Variants in HIVEP3 observed in about 807,000 individuals in gnomAD.
HIVEP3 encodes the protein HIVEP zinc finger 3.
HIVEP3 carries 49 observed loss-of-function variants against 152.8 expected under a neutral mutation model. The observed-to-expected ratio is 0.32, with a 90% CI of 0.26 to 0.41. The LOEUF (loss-of-function observed/expected upper bound fraction) is 0.41. Among genes scored for constraint, HIVEP3 ranks in the 10% least tolerant of loss-of-function variants. HIVEP3 has a pLI of 1.00. For synonymous variants in HIVEP3, 1,269 were observed against 1,289.0 expected, an observed-to-expected ratio of 0.98 and a Z score of 0.33; for missense variants, 2,790 against 3,103.3, an observed-to-expected ratio of 0.90 and a Z score of 2.40.
intron 1 of HIVEP3, among the ~76,000 whole-genome samples, chr1:41,976,551 C>T (rs1465210757): frequency 2.0e-5 from 3 of 152,192 alleles, no homozygotes; most frequent in Non-Finnish European, 4.4e-5. Flanking sequence ...ATTTTGCTAT[C>T]TTAAAAGTAA....
intron 5 of HIVEP3, among the ~76,000 whole-genome samples, chr1:41,531,639 T>G (rs1234121650): frequency 2.1e-4 from 9 of 43,886 alleles, no homozygotes; most frequent in African/African-American, 2.7e-4. Context: ...AGACGGGAGA[T>G]GGAGGACAGG....
chr1:41,963,534 G>C (rs974288522), intron 1 of HIVEP3, among the ~76,000 whole-genome samples: 1 of 149,660 alleles, frequency 6.7e-6, no homozygotes, highest in African/African-American at 2.4e-5. Flanking sequence ...GGGGGGAGCG[G>C]CGAGGGGGGA....
At chr1:41,671,602 G>A (rs946212664) in intron 2 of HIVEP3, among the ~76,000 whole-genome samples, 2 of 152,234 alleles carry the variant, frequency 1.3e-5, no homozygotes, top group Non-Finnish European at 2.9e-5. Flanking sequence ...GTCCCACTCT[G>A]CCTTCTCAGA....
At position 41,581,525 on chromosome 1, in the gene HIVEP3, C is replaced by T. The variant is rs201678689; in HGVS notation, c.3273G>A (p.Ala1091=). 8.8e-6 allele frequency: 14 copies of T among 1,590,206 alleles called. No homozygotes were observed. Among genetic ancestry groups the T allele is most frequent in the African/African-American group, 5.4e-5 (4 of 74,340 alleles). ...CCGGGGGTCCACCATGTGAGGTGGCCGCAGAGGAAATCTGGGACAATGAGC... is the reference window on the plus strand; with the variant it reads ...CCGGGGGTCCACCATGTGAGGTGGCTGCAGAGGAAATCTGGGACAATGAGC... The part of the protein sequence containing the change: ...AKSSLSQISS[A]ATSHGGPPGG... Residue 1091 remains alanine, a synonymous_variant, in exon 4 of 9, where the codon GCG becomes GCA. Coordinates refer to ENST00000372583, the MANE Select transcript of HIVEP3 (RefSeq NM_024503.5). This position sits in a 1 kb window ranked among gnomAD's most constrained non-coding sequence, Gnocchi z 4.5.
At chr1:41,547,474 T>A (rs1643831371) in intron 5 of HIVEP3, among the ~76,000 whole-genome samples, 1 of 150,436 alleles carries the variant, frequency 6.6e-6, no homozygotes, top group South Asian at 2.1e-4. Context: ...GCCCTGCAGG[T>A]GGAGGGGATG....
Position 41,583,097 on chromosome 1 carries a change from G to A in HIVEP3, c.1701C>T (p.Ile567=), listed in dbSNP as rs1440372888. The A allele has an allele frequency of 6.2e-7, 1 of 1,613,700 alleles. No homozygotes were observed. The highest frequency in any genetic ancestry group is 8.5e-7 in the Non-Finnish European group (1 of 1,179,862). The part of the protein sequence containing the change: ...FRGSYSFDDH[I]TDSEALSHSS... ...TGTGGCTCAGGGCTTCGGAGTCGGTGATATGGTCATCGAAGGAGTAGCTAC... is the reference window on the plus strand; with the variant it reads ...TGTGGCTCAGGGCTTCGGAGTCGGTAATATGGTCATCGAAGGAGTAGCTAC... The change falls in exon 4 of 9, where the codon ATC becomes ATT. Residue 567 remains isoleucine (I), a synonymous_variant. Transcript: ENST00000372583. This position sits in a 1 kb window ranked among gnomAD's most constrained non-coding sequence, Gnocchi z 6.9.
intron 1 of HIVEP3, among the ~76,000 whole-genome samples, chr1:41,838,949 G>A (rs1364174050): frequency 6.6e-6 from 1 of 152,218 alleles, no homozygotes; most frequent in Non-Finnish European, 1.5e-5. Context: ...ATATCCCACA[G>A]TGTTAATAGC....
At position 41,866,623 on chromosome 1, in the gene HIVEP3, G is replaced by A. The variant is rs186361079; in HGVS notation, c.-801+51790C>T. On this transcript the variant is annotated intron_variant, in intron 1 of 8. Coordinates refer to ENST00000372583, the MANE Select transcript of HIVEP3 (RefSeq NM_024503.5). ...GTAACCTCTGTCCTTTCCCAGTTCC[G>A]TTCCTTTCTCTTCCCCAGCTACCTC... 1.5e-3 allele frequency among the ~76,000 whole-genome samples: 231 copies of A among 152,300 alleles called. 1 individual carries two copies. The highest frequency in any genetic ancestry group is 5.2e-3 in the African/African-American group (217 of 41,564).
chr1:41,590,497 G>A (rs1199544536), intron 3 of HIVEP3, among the ~76,000 whole-genome samples: 2 of 152,218 alleles, frequency 1.3e-5, no homozygotes, highest in African/African-American at 4.8e-5. Flanking sequence ...TGTGGTGGGG[G>A]TGAGCCAACT....
intron 1 of HIVEP3, among the ~76,000 whole-genome samples, chr1:41,872,331 A>T (rs1213427482): frequency 6.6e-6 from 1 of 152,150 alleles, no homozygotes; most frequent in Non-Finnish European, 1.5e-5. Context: ...GCCTTATTTG[A>T]ACACAGTTTG....
chr1:41,508,203 G>C lies in HIVEP3; in HGVS notation c.*2248C>G, dbSNP rs1238758149. On this transcript the variant is annotated 3_prime_UTR_variant, in exon 9 of 9. Transcript: ENST00000372583. ...CCCGGTCTGCTGCTTTGTAGGTCTGGGGCAGGAAGAGCTTGCCCAGGCAGA... is the reference window on the plus strand; with the variant it reads ...CCCGGTCTGCTGCTTTGTAGGTCTGCGGCAGGAAGAGCTTGCCCAGGCAGA... The C allele has an allele frequency of 6.6e-6, 1 of 152,276 alleles. No homozygotes were observed. The highest frequency in any genetic ancestry group is 1.5e-5 in the Non-Finnish European group (1 of 68,082). 9.4% of individuals were successfully genotyped at this position (152,276 alleles called of 1,614,324 possible).
intron 1 of HIVEP3, among the ~76,000 whole-genome samples, chr1:41,714,139 G>T (rs191830434): frequency 6.6e-6 from 1 of 152,216 alleles, no homozygotes; most frequent in East Asian, 1.9e-4. Flanking sequence ...AGGGAGGGAG[G>T]GTGATCCGAG....
chr1:41,662,780 C>T lies in HIVEP3; in HGVS notation c.-720-33833G>A, dbSNP rs1186017664. Reference sequence around the variant, plus strand: ...CTAGGGAGGGCAGACAGGGAAGCCCCTGTCGCCGCCGCCGGGGCCCTGCCA... The same window carrying T: ...CTAGGGAGGGCAGACAGGGAAGCCCTTGTCGCCGCCGCCGGGGCCCTGCCA... On this transcript the variant is annotated intron_variant, in intron 2 of 8. Transcript: ENST00000372583. The surrounding 1 kb of genome is among the most constrained non-coding windows in gnomAD (Gnocchi z 7.2). Among the ~76,000 whole-genome samples, 1 of 151,316 alleles carries T rather than the reference C, an allele frequency of 6.6e-6. No individual in the cohort carries two copies. The highest frequency in any genetic ancestry group is 2.0e-4 in the East Asian group (1 of 5,078).
intron 1 of HIVEP3, among the ~76,000 whole-genome samples, chr1:41,924,525 G>T (rs1228744209): frequency 6.6e-6 from 1 of 152,096 alleles, no homozygotes; most frequent in African/African-American, 2.4e-5. Flanking sequence ...CAAGGAGATG[G>T]TAGAGAGTTG....
chr1:41,562,784 G>A (rs1644098770), intron 5 of HIVEP3, among the ~76,000 whole-genome samples: 1 of 152,152 alleles, frequency 6.6e-6, no homozygotes, highest in Non-Finnish European at 1.5e-5. Context: ...GCCTGCAGCA[G>A]GGAAATCTGG....
At chr1:41,739,381 A>C (rs537428111) in intron 1 of HIVEP3, among the ~76,000 whole-genome samples, 82 of 152,260 alleles carry the variant, frequency 5.4e-4, no homozygotes, top group African/African-American at 1.6e-3. Flanking sequence ...CTTGCCAGAG[A>C]GGGAGGCCCA....
intron 8 of HIVEP3, 129 bp downstream of exon 8, chr1:41,512,687 C>T (rs1642466380): frequency 1.3e-6 from 1 of 775,562 alleles, no homozygotes; most frequent in Admixed American, 3.2e-5. Context: ...TAAATGTTTG[C>T]GAAATTATTA....
intron 2 of HIVEP3, among the ~76,000 whole-genome samples, chr1:41,632,436 G>C (rs1269926876): frequency 3.3e-5 from 5 of 152,148 alleles, no homozygotes; most frequent in Non-Finnish European, 7.3e-5. Flanking sequence ...AAAACAAAGG[G>C]AGTCATGTAA....
intron 1 of HIVEP3, among the ~76,000 whole-genome samples, chr1:41,807,495 A>T (rs1453433384): frequency 6.6e-6 from 1 of 152,200 alleles, no homozygotes; most frequent in Non-Finnish European, 1.5e-5. Context: ...ATTACAGGGC[A>T]GACACAGGAT....
Sources: allele counts gnomAD v4.1 joint callset (sites outside exome capture counted in the v4.1 genomes callset), GRCh38; gene constraint gnomAD v4.1.1; non-coding constraint Gnocchi (gnomAD v3.1); transcripts MANE v1.5; gene names NCBI Gene and HGNC (gene_info 2026-07-23, HGNC 2026-07-21).